The following UPK1B variants were observed in gnomAD, a reference collection of about 807,000 sequenced individuals.
The protein encoded by UPK1B is uroplakin 1B, also known as uroplakin-1b.
A neutral mutation model predicts 34.2 loss-of-function variants in UPK1B; 28 were observed. That is an observed-to-expected ratio of 0.82 (90% CI 0.61 to 1.12). UPK1B has a LOEUF of 1.12. Ranked by LOEUF, UPK1B falls within the 50% of genes most tolerant of loss-of-function variation. UPK1B has a pLI of 0.00. For missense variants in UPK1B, 325 were observed against 320.9 expected, an observed-to-expected ratio of 1.01 and a Z score of -0.10; for synonymous variants, 81 against 110.4, an observed-to-expected ratio of 0.73 and a Z score of 1.67.
At chr3:119,196,480 C>T (rs7612800) in intron 6 of UPK1B, among the ~76,000 whole-genome samples, 40,815 of 151,334 alleles carry the variant, frequency 0.27, 5,666 homozygotes, top group Middle Eastern at 0.37. Flanking sequence ...AAGCAAGCAC[C>T]GACGTTTGAT....
chr3:119,184,066 C>G (rs2078002577), intron 1 of UPK1B, among the ~76,000 whole-genome samples: 1 of 152,192 alleles, frequency 6.6e-6, no homozygotes, highest in Admixed American at 6.5e-5. Flanking sequence ...ATGTCCTTGC[C>G]TAGGTTTCTT....
intron 4 of UPK1B, among the ~76,000 whole-genome samples, chr3:119,190,635 C>T (rs893568531): frequency 2.0e-5 from 3 of 152,250 alleles, no homozygotes; most frequent in African/African-American, 4.8e-5. Flanking sequence ...TTTCACCACT[C>T]TGCCATGGCC....
At chr3:119,197,294 TG>T (rs2078071626) in intron 6 of UPK1B, among the ~76,000 whole-genome samples, 1 of 152,088 alleles carries the variant, frequency 6.6e-6, no homozygotes, top group East Asian at 1.9e-4. Context: ...TATAATAAAA[TG>T]AAGGAAGATC....
intron 3 of UPK1B, 88 bp downstream of exon 3, chr3:119,188,063 G>A: frequency 4.2e-6 from 6 of 1,416,152 alleles, no homozygotes; most frequent in Non-Finnish European, 5.0e-6. Context: ...TTGGCTTTCA[G>A]TGGGGGAGCA....
intron 4 of UPK1B, 146 bp from the exon 5 acceptor site, chr3:119,190,836 G>T: frequency 8.7e-7 from 1 of 1,146,674 alleles, no homozygotes; most frequent in South Asian, 1.5e-5. Flanking sequence ...GCCAACCTCA[G>T]CCAGCTGTAC....
At chr3:119,186,611 T>C (rs1559901585) in intron 1 of UPK1B, 103 bp from the exon 2 acceptor site, 1 of 781,514 alleles carries the variant, frequency 1.3e-6, no homozygotes, top group Non-Finnish European at 2.1e-6. Flanking sequence ...AAAGATTATA[T>C]GGCTTTGGTT....
chr3:119,184,461 T>C (rs1453668967), intron 1 of UPK1B, among the ~76,000 whole-genome samples: 2 of 151,884 alleles, frequency 1.3e-5, no homozygotes, highest in South Asian at 2.1e-4. Flanking sequence ...GGCTCACGCC[T>C]GTAATCCCAG....
intron 1 of UPK1B, among the ~76,000 whole-genome samples, chr3:119,174,161 T>G (rs984905721): frequency 2.0e-5 from 3 of 152,240 alleles, no homozygotes; most frequent in Non-Finnish European, 4.4e-5. Flanking sequence ...ATGAAATGTG[T>G]GAAGCAATTT....
In UPK1B at chr3:119,193,213, T is replaced by C. The variant is rs534914738; in HGVS notation, c.469-1006T>C. On this transcript the variant is annotated intron_variant, in intron 5 of 7. Coordinates refer to ENST00000264234, the MANE Select transcript of UPK1B (RefSeq NM_006952.4). ...CTCAATTTTGGACCCTTAAATCTTC[T>C]CTGTGCCCACTAAATCCTAGTTTGA... 5.9e-4 allele frequency among the ~76,000 whole-genome samples: 90 copies of C among 152,344 alleles called. 1 individual carries two copies. Among genetic ancestry groups the C allele is most frequent in the Non-Finnish European group, 1.1e-3 (76 of 68,036 alleles).
chr3:119,190,879 G>A (rs2078040831), intron 4 of UPK1B, 103 bp from the exon 5 acceptor site: 21 of 1,515,220 alleles, frequency 1.4e-5, no homozygotes, highest in Non-Finnish European at 1.9e-5. Context: ...TGCTCCAGGA[G>A]AGAATGTTCA....
intron 1 of UPK1B, among the ~76,000 whole-genome samples, chr3:119,186,154 G>A (rs2078018650): frequency 6.6e-6 from 1 of 152,222 alleles, no homozygotes; most frequent in South Asian, 2.1e-4. Flanking sequence ...ACACCTGGCA[G>A]AAGGAAGTAA....
rs71297415 is a variant in UPK1B at position 119,179,507 on chromosome 3, C to CTTTTT, written c.-29+5885_-29+5889dup. Among the ~76,000 whole-genome samples the CTTTTT allele has an allele frequency of 1.3e-4, 7 of 52,256 alleles. 1 individual carries two copies. Among genetic ancestry groups the CTTTTT allele is most frequent in the Non-Finnish European group, 2.6e-4 (7 of 26,958 alleles). The allele number at this position is 52,256 out of a possible 152,430, so 34.3% of individuals were successfully genotyped here. On this transcript the variant is annotated intron_variant, in intron 1 of 7. Transcript: ENST00000264234. ...TTTGGGGAAGAGTTGATGTTGCAGTCTTTTTTTTTTTTTTTTTTTTGAGAC... is the reference window on the plus strand; with the variant it reads ...TTTGGGGAAGAGTTGATGTTGCAGTCTTTTTTTTTTTTTTTTTTTTTTTTTGAGAC...
intron 1 of UPK1B, among the ~76,000 whole-genome samples, chr3:119,178,838 C>T (rs1256190254): frequency 1.3e-5 from 2 of 152,126 alleles, no homozygotes; most frequent in Admixed American, 1.3e-4. Flanking sequence ...GAAAGTTCAC[C>T]ATGGAAGCAC....
chr3:119,187,976 G>C lies in UPK1B; in HGVS notation c.270+1G>C. On this transcript the variant is annotated splice_donor_variant, in intron 3 of 7. Transcript: ENST00000264234. LOFTEE classifies it high-confidence loss of function. ...GTCCAGCAGGAAAATTCTTCTGGCG[G>C]TAAGACCTCAAAATTCTCTGGAGTT... 1 of 1,614,146 alleles carries C rather than the reference G, an allele frequency of 6.2e-7. No individual in the cohort carries two copies. The highest frequency in any genetic ancestry group is 8.5e-7 in the Non-Finnish European group (1 of 1,179,992).
At chr3:119,174,597 A>C (rs529841984) in intron 1 of UPK1B, among the ~76,000 whole-genome samples, 14 of 152,272 alleles carry the variant, frequency 9.2e-5, no homozygotes, top group African/African-American at 3.1e-4. Flanking sequence ...AATAAAAATA[A>C]ATTTTTAAAG....
chr3:119,200,872 T>A (rs575624025), intron 7 of UPK1B, among the ~76,000 whole-genome samples: 45 of 152,352 alleles, frequency 3.0e-4, no homozygotes, highest in South Asian at 1.9e-3. Flanking sequence ...ATCATGCAAG[T>A]GCTTTTAAGA....
intron 1 of UPK1B, among the ~76,000 whole-genome samples, chr3:119,174,023 TG>T (rs1344203260): frequency 6.6e-5 from 10 of 152,280 alleles, no homozygotes; most frequent in African/African-American, 2.4e-4. Context: ...AATTTCCTTG[TG>T]GAGTCAGAAA....
At chr3:119,188,942 C>T (rs980123423) in intron 3 of UPK1B, among the ~76,000 whole-genome samples, 1 of 152,092 alleles carries the variant, frequency 6.6e-6, no homozygotes, top group Admixed American at 6.6e-5. Context: ...TCTCTGGTTC[C>T]TTAGTGTGCG....
At chr3:119,184,658 G>A (rs1369884935) in intron 1 of UPK1B, among the ~76,000 whole-genome samples, 4 of 152,070 alleles carry the variant, frequency 2.6e-5, no homozygotes, top group East Asian at 3.9e-4. Context: ...CCTGAGAGGC[G>A]GAGGTTGCAG....
Sources: gnomAD v4.1 joint callset for allele counts (sites outside exome capture counted in the v4.1 genomes callset) on GRCh38, gnomAD v4.1.1 for gene constraint, MANE v1.5 for transcripts, NCBI Gene and HGNC (gene_info 2026-07-23, HGNC 2026-07-21) for gene names.